Variants in RAB3IP observed in about 807,000 individuals in gnomAD.
The protein encoded by RAB3IP is RAB3A interacting protein, also known as rab-3A-interacting protein.
Under a neutral mutation model 59.1 loss-of-function variants are expected in RAB3IP, and 36 were observed. That is an observed-to-expected ratio of 0.61 (90% CI 0.47 to 0.80). RAB3IP has a LOEUF of 0.80. RAB3IP is among the 30% of genes least tolerant of loss of function. RAB3IP has a pLI of 0.00. For missense variants in RAB3IP, 511 were observed against 536.0 expected (o/e 0.95, Z 0.46); for synonymous variants, 207 against 191.2 (o/e 1.08, Z -0.68).
At chr12:69,801,157 T>C (rs1878308352) in intron 7 of RAB3IP, among the ~76,000 whole-genome samples, 1 of 152,230 alleles carries the variant, frequency 6.6e-6, no homozygotes, top group South Asian at 2.1e-4. Context: ...ATAATTCAGC[T>C]AATTCTTTTG....
At chr12:69,759,136 TC>T (rs2136136826) in intron 3 of RAB3IP, among the ~76,000 whole-genome samples, 2 of 145,838 alleles carry the variant, frequency 1.4e-5, no homozygotes, top group South Asian at 4.5e-4. Flanking sequence ...CCTGCGGCCT[TC>T]CGCAGTGTTT....
chr12:69,798,706 G>T (rs1314114905), intron 6 of RAB3IP, among the ~76,000 whole-genome samples: 5 of 152,130 alleles, frequency 3.3e-5, no homozygotes, highest in Non-Finnish European at 7.3e-5. Flanking sequence ...TTTGTATAAG[G>T]TATAAGGAAG....
In RAB3IP at chr12:69,790,178, A is replaced by G. The variant is rs570549399; in HGVS notation, c.607-4259A>G. ...AAGTGTAGAAAATTCTAAAGATTCA[A>G]CAACAAAAAAGTTAGAACTAATAAA... On this transcript the variant is annotated intron_variant, in intron 4 of 10. Transcript: ENST00000247833. Among the ~76,000 whole-genome samples the G allele has an allele frequency of 2.6e-5, 4 of 152,354 alleles. No individual in the cohort carries two copies. In the East Asian group the frequency reaches 7.7e-4, roughly 29 times the overall value.
At position 69,820,713 on chromosome 12, in the gene RAB3IP, T is replaced by G. The variant is rs1205798967; in HGVS notation, c.*5267T>G. ...GTCTCTACTAAAAACACAAAATTAGTCAGGTGTGATGGCGCATGCCTGTAA... is the reference window on the plus strand; with the variant it reads ...GTCTCTACTAAAAACACAAAATTAGGCAGGTGTGATGGCGCATGCCTGTAA... On this transcript the variant is annotated 3_prime_UTR_variant, in exon 11 of 11. Coordinates refer to ENST00000247833, the MANE Select transcript of RAB3IP (RefSeq NM_022456.5). 2 of 151,466 alleles carry G rather than the reference T, an allele frequency of 1.3e-5. No individual in the cohort carries two copies. The highest frequency in any genetic ancestry group is 3.4e-3 in the Middle Eastern group (1 of 294). The allele number at this position is 151,466 out of a possible 1,614,324, so 9.4% of individuals were successfully genotyped here. A position where few individuals can be genotyped will look rare whatever the true frequency, so the allele number is the denominator to read the frequency against.
intron 8 of RAB3IP, among the ~76,000 whole-genome samples, chr12:69,807,000 A>T (rs1879425668): frequency 6.6e-6 from 1 of 152,074 alleles, no homozygotes; most frequent in African/African-American, 2.4e-5. Context: ...CACAGTAACA[A>T]TCTGATCTCT....
chr12:69,795,529 G>C, intron 6 of RAB3IP, 185 bp downstream of exon 6: 1 of 602,996 alleles, frequency 1.7e-6, no homozygotes, highest in Non-Finnish European at 2.9e-6. Flanking sequence ...CTACCTGGCT[G>C]ACCTTGGAGT....
chr12:69,738,619 C>T (rs1886899703), upstream of RAB3IP: 1 of 151,998 alleles, frequency 6.6e-6, no homozygotes, highest in South Asian at 2.1e-4. Context: ...GCGGGCCCGA[C>T]GAAACAGAGC....
chr12:69,782,237 T>C (rs35995393), intron 3 of RAB3IP, among the ~76,000 whole-genome samples: 32,295 of 152,134 alleles, frequency 0.21, 4,150 homozygotes, highest in Middle Eastern at 0.35. Context: ...CGATCTCGGC[T>C]CACTGCAATC....
At chr12:69,754,343 G>GCA (rs57626649) in intron 1 of RAB3IP, among the ~76,000 whole-genome samples, 3,457 of 132,778 alleles carry the variant, frequency 0.026, 42 homozygotes, top group South Asian at 0.055. Flanking sequence ...AGATACACGG[G>GCA]CACACACACA....
chr12:69,743,868 T>G (rs1887586058), intron 1 of RAB3IP, among the ~76,000 whole-genome samples: 1 of 117,158 alleles, frequency 8.5e-6, no homozygotes, highest in African/African-American at 3.7e-5. Flanking sequence ...AAGACTCTTG[T>G]TTATTTATTT....
intron 3 of RAB3IP, among the ~76,000 whole-genome samples, chr12:69,779,655 CT>C (rs1470113013): frequency 6.7e-6 from 1 of 150,252 alleles, no homozygotes; most frequent in Non-Finnish European, 1.5e-5. Flanking sequence ...GCATTTTTCA[CT>C]GCTTTCACTG....
At chr12:69,745,054 G>A (rs1226944152) in intron 1 of RAB3IP, among the ~76,000 whole-genome samples, 1 of 151,956 alleles carries the variant, frequency 6.6e-6, no homozygotes, top group East Asian at 1.9e-4. Context: ...TTCAAATAAG[G>A]TAAGTAGACA....
chr12:69,788,243 A>G (rs992524554), intron 4 of RAB3IP, among the ~76,000 whole-genome samples: 5 of 152,110 alleles, frequency 3.3e-5, no homozygotes, highest in Non-Finnish European at 7.4e-5. Flanking sequence ...CATCGTGCAG[A>G]AATCGGTAGA....
chr12:69,789,345 G>C (rs1010846837), intron 4 of RAB3IP, among the ~76,000 whole-genome samples: 5 of 152,044 alleles, frequency 3.3e-5, no homozygotes, highest in African/African-American at 1.2e-4. Context: ...AAGATCATAA[G>C]TGACTTTTAT....
At chr12:69,739,568 G>A (rs1887062971) in intron 1 of RAB3IP, 1 of 519,178 alleles carries the variant, frequency 1.9e-6, no homozygotes, top group African/African-American at 1.9e-5. Flanking sequence ...AACTACGCGC[G>A]AGGCACCGTG....
Position 69,815,702 on chromosome 12 carries a change from GAAAT to G in RAB3IP, c.*265_*268del, listed in dbSNP as rs1881068791. On this transcript the variant is annotated 3_prime_UTR_variant, in exon 11 of 11. Transcript: ENST00000247833. ...TAGTTGCCAAAAAAAAAAAAAACCT[GAAAT>G]AAATAAATGTTAGATTGAATGTGTG... is the stretch of plus-strand genomic sequence containing the variant. 3.8e-6 allele frequency: 1 copy of G among 259,908 alleles called. No individual in the cohort carries two copies. The highest frequency in any genetic ancestry group is 7.2e-6 in the Non-Finnish European group (1 of 138,694). The allele number at this position is 259,908 out of a possible 1,614,324, so 16.1% of individuals were successfully genotyped here.
rs1592490660 is a variant in RAB3IP, at chr12:69,763,212, A to G, written c.510+6549A>G. On this transcript the variant is annotated intron_variant, in intron 3 of 10. Transcript: ENST00000247833. ...AGGATTGCAAGGTGTATGCCTAATG[A>G]TTTTTCATGGAAACTCTCACAAAAT... Among the ~76,000 whole-genome samples the G allele has an allele frequency of 1.3e-5, 2 of 152,158 alleles. 1 individual carries two copies. The highest frequency in any genetic ancestry group is 3.9e-4 in the East Asian group (2 of 5,192).
intron 3 of RAB3IP, among the ~76,000 whole-genome samples, chr12:69,783,148 A>C (rs996885554): frequency 3.3e-5 from 5 of 152,188 alleles, no homozygotes; most frequent in Non-Finnish European, 7.3e-5. Context: ...ATTTCCCTGG[A>C]CTATTAGGAA....
chr12:69,772,274 C>G (rs1448178553), intron 3 of RAB3IP, among the ~76,000 whole-genome samples: 3 of 152,166 alleles, frequency 2.0e-5, no homozygotes, highest in Admixed American at 1.3e-4. Context: ...TGAATGTTTT[C>G]CCTTTCAGTC....
Sources: allele counts gnomAD v4.1 joint callset (sites outside exome capture counted in the v4.1 genomes callset), GRCh38; gene constraint gnomAD v4.1.1; transcripts MANE v1.5; gene names NCBI Gene and HGNC (gene_info 2026-07-23, HGNC 2026-07-21).